Variants in NCEH1 observed in about 807,000 individuals in gnomAD.
NCEH1 encodes the protein 2-acetyl MAGE hydrolase.
Under a neutral mutation model 25.4 loss-of-function variants are expected in NCEH1, and 9 were observed. The observed-to-expected ratio is 0.35, with a 90% confidence interval of 0.21 to 0.62. The LOEUF is 0.62. NCEH1 is among the 20% of genes least tolerant of loss of function. The probability of loss-of-function intolerance (pLI) is 0.72; values close to 1 mark genes in which losing one functional copy is unlikely to be tolerated. For missense variants in NCEH1, 412 were observed against 501.1 expected (o/e 0.82, Z 1.70); for synonymous variants, 200 against 199.8 (o/e 1.00, Z -0.01).
intron 1 of NCEH1, among the ~76,000 whole-genome samples, chr3:172,662,482 A>G (rs184031739): frequency 2.6e-5 from 4 of 152,330 alleles, no homozygotes; most frequent in Admixed American, 2.6e-4. Context: ...TGGCCTTATA[A>G]AATGAGTTAG....
chr3:172,706,010 CAA>C (rs35383888), intron 1 of NCEH1, among the ~76,000 whole-genome samples: 57,186 of 103,636 alleles, frequency 0.55, 14,947 homozygotes, highest in East Asian at 0.8. Flanking sequence ...CAACAACAAC[CAA>C]AAAAAAAAAA....
chr3:172,696,838 A>C (rs992289959), intron 1 of NCEH1, among the ~76,000 whole-genome samples: 1 of 152,236 alleles, frequency 6.6e-6, no homozygotes, highest in African/African-American at 2.4e-5. Context: ...GAGAGTTCTC[A>C]AAGGTTTTAC....
chr3:172,642,318 C>T (rs1716890014), intron 3 of NCEH1, among the ~76,000 whole-genome samples: 1 of 152,052 alleles, frequency 6.6e-6, no homozygotes, highest in African/African-American at 2.4e-5. Context: ...GAACTACAGG[C>T]ATGCACCACC....
At chr3:172,684,841 C>G (rs1712608990) in intron 1 of NCEH1, among the ~76,000 whole-genome samples, 1 of 151,928 alleles carries the variant, frequency 6.6e-6, no homozygotes, top group Admixed American at 6.5e-5. Flanking sequence ...ACTAGCCAGG[C>G]ATGGTGGTGT....
intron 4 of NCEH1, among the ~76,000 whole-genome samples, chr3:172,635,669 T>C (rs2108487656): frequency 6.6e-6 from 1 of 152,286 alleles, no homozygotes. Context: ...ATGTCAGCCC[T>C]TCTCTAACAC....
At chr3:172,651,888 TA>T (rs570535992) in intron 1 of NCEH1, among the ~76,000 whole-genome samples, 227 of 152,304 alleles carry the variant, frequency 1.5e-3, no homozygotes, top group African/African-American at 5.4e-3. Flanking sequence ...GGCATTGATT[TA>T]GAAGATTACA....
intron 1 of NCEH1, among the ~76,000 whole-genome samples, chr3:172,655,928 GAA>G (rs1250124208): frequency 2.0e-5 from 3 of 152,134 alleles, no homozygotes; most frequent in East Asian, 3.9e-4. Flanking sequence ...GAGGGAGTGA[GAA>G]AAAGAGAGAA....
intron 3 of NCEH1, 135 bp from the exon 4 acceptor site, chr3:172,636,222 GA>G (rs1245759432): frequency 8.1e-6 from 4 of 496,546 alleles, no homozygotes; most frequent in Non-Finnish European, 7.0e-6. Flanking sequence ...GTATGAAAAA[GA>G]AAAAATAATA....
At chr3:172,673,086 CTCTCTCTTTTCTCCTCTCT>C (rs1711735565) in intron 1 of NCEH1, among the ~76,000 whole-genome samples, 1 of 152,212 alleles carries the variant, frequency 6.6e-6, no homozygotes, top group Non-Finnish European at 1.5e-5. Context: ...TAGACCCAGT[CTCTCTCTTTTCTCCTCTCT>C]AAGCCAGGCC....
intron 1 of NCEH1, among the ~76,000 whole-genome samples, chr3:172,709,211 C>T (rs1044859085): frequency 6.6e-6 from 1 of 152,148 alleles, no homozygotes; most frequent in Non-Finnish European, 1.5e-5. Flanking sequence ...CTAGCTTGTC[C>T]GAGATTAACT....
At chr3:172,642,810 T>G (rs1384647490) in intron 3 of NCEH1, among the ~76,000 whole-genome samples, 1 of 152,170 alleles carries the variant, frequency 6.6e-6, no homozygotes, top group Non-Finnish European at 1.5e-5. Flanking sequence ...GCAGTCATTA[T>G]CCCAACTCAG....
chr3:172,653,246 G>A (rs1049985423), intron 1 of NCEH1, among the ~76,000 whole-genome samples: 2 of 152,066 alleles, frequency 1.3e-5, no homozygotes, highest in African/African-American at 4.8e-5. Flanking sequence ...AAAGAAATCC[G>A]GTGGGGCACT....
chr3:172,649,574 G>A (rs554306451), intron 1 of NCEH1, among the ~76,000 whole-genome samples: 6 of 152,296 alleles, frequency 3.9e-5, no homozygotes, highest in African/African-American at 7.2e-5. Context: ...ACTGCACAGA[G>A]GATTCTAACT....
At chr3:172,656,994 C>G (rs1331200069) in intron 1 of NCEH1, among the ~76,000 whole-genome samples, 1 of 152,102 alleles carries the variant, frequency 6.6e-6, no homozygotes, top group Non-Finnish European at 1.5e-5. Context: ...GTTTTTCTTG[C>G]CACACTAACA....
chr3:172,710,816 A>T (rs1305331447), intron 1 of NCEH1, 31 bp downstream of exon 1: 3 of 1,611,246 alleles, frequency 1.9e-6, no homozygotes. Flanking sequence ...TAAGAGGAGG[A>T]AGAGAGAAGC....
At position 172,688,851 on chromosome 3, in the gene NCEH1, G is replaced by A. The variant is rs185366573; in HGVS notation, c.138+21996C>T. 6.4e-4 allele frequency among the ~76,000 whole-genome samples: 97 copies of A among 152,246 alleles called. 2 individuals carry two copies. In the South Asian group the frequency reaches 0.01, roughly 16 times the overall value. ...AAACTCTTGGTGGTAACTTACAGAC[G>A]CTCTGGACATGCAGGATTCTACAAC... is the stretch of plus-strand genomic sequence containing the variant. On this transcript the variant is annotated intron_variant, in intron 1 of 4. Transcript: ENST00000475381.
At chr3:172,692,750 T>C (rs1235983055) in intron 1 of NCEH1, among the ~76,000 whole-genome samples, 1 of 152,204 alleles carries the variant, frequency 6.6e-6, no homozygotes, top group African/African-American at 2.4e-5. Context: ...CATCATCCTA[T>C]TATTAGCTTA....
chr3:172,690,588 T>A (rs1712979520), intron 1 of NCEH1, among the ~76,000 whole-genome samples: 1 of 152,162 alleles, frequency 6.6e-6, no homozygotes, highest in Non-Finnish European at 1.5e-5. Context: ...CTGAGGGAAA[T>A]CCTAAGAAAC....
intron 1 of NCEH1, among the ~76,000 whole-genome samples, chr3:172,698,648 G>A (rs1713516728): frequency 6.6e-6 from 1 of 152,232 alleles, no homozygotes; most frequent in Non-Finnish European, 1.5e-5. Flanking sequence ...AAAATCACCA[G>A]TGTTCTTTTA....
Sources: allele counts gnomAD v4.1 joint callset (sites outside exome capture counted in the v4.1 genomes callset), GRCh38; gene constraint gnomAD v4.1.1; transcripts MANE v1.5; gene names NCBI Gene and HGNC (gene_info 2026-07-23, HGNC 2026-07-21).